Variants in RAB44 observed in about 807,000 individuals in gnomAD.
The protein encoded by RAB44 is ras-related protein Rab-44.
In RAB44, 67 loss-of-function variants were observed where a neutral mutation model predicts 93.3. That is an observed-to-expected ratio of 0.72 (90% confidence interval 0.59 to 0.88). The LOEUF is 0.88. Ranked by LOEUF, RAB44 falls within the 40% of genes least tolerant of loss-of-function variation. The pLI is 0.00. For synonymous variants in RAB44, 427 were observed against 520.3 expected (o/e 0.82, Z 2.44); for missense variants, 1,064 against 1,261.7 (o/e 0.84, Z 2.37).
rs764768896 is a variant in RAB44 at position 36,722,729 on chromosome 6, C to T, written c.2595C>T (p.Thr865=). 26 of 1,550,422 alleles carry T rather than the reference C, an allele frequency of 1.7e-5. No individual in the cohort carries two copies. Among genetic ancestry groups the T allele is most frequent in the East Asian group, 2.4e-5 (1 of 40,932 alleles). Reference sequence around the variant, plus strand: ...CTTTCGCCACCGGATTGACAGCTACCGTGGGTAAGGGCATTGGGGAGGGCG... The same window carrying T: ...CTTTCGCCACCGGATTGACAGCTACTGTGGGTAAGGGCATTGGGGAGGGCG... ...QNSFATGLTA[T]VGVDFRVKTL... Residue 865 remains threonine, a synonymous_variant, in exon 9 of 14, where the codon ACC becomes ACT. Transcript: ENST00000612677.
intron 4 of RAB44, among the ~76,000 whole-genome samples, chr6:36,716,974 AAG>A (rs1003970950): frequency 6.6e-6 from 1 of 152,228 alleles, no homozygotes; most frequent in African/African-American, 2.4e-5. Flanking sequence ...AGAGTGAGAG[AAG>A]AGAGAGGGCA....
chr6:36,703,850 C>T (rs534354496), intron 1 of RAB44, among the ~76,000 whole-genome samples: 68 of 152,170 alleles, frequency 4.5e-4, no homozygotes, highest in African/African-American at 1.5e-3. Flanking sequence ...CCTGGAAAAC[C>T]CTGTGTAACC....
chr6:36,714,015 C>G, intron 3 of RAB44, 76 bp downstream of exon 3: 10 of 952,758 alleles, frequency 1.0e-5, no homozygotes, highest in East Asian at 8.0e-5. Flanking sequence ...TAGGCTGGGT[C>G]GTTAGAAAGG....
chr6:36,728,557 A>G (rs1763289560), intron 11 of RAB44, 143 bp from the exon 12 acceptor site: 1 of 650,144 alleles, frequency 1.5e-6, no homozygotes, highest in East Asian at 2.8e-5. Context: ...GATGGGGGAA[A>G]GGGTCCAGGT....
At chr6:36,715,782 A>G (rs1762905205) in intron 4 of RAB44, 129 bp downstream of exon 4, 2 of 892,856 alleles carry the variant, frequency 2.2e-6, no homozygotes, top group Middle Eastern at 3.5e-4. Flanking sequence ...TGGCTTGGCC[A>G]TTGGCTAGCT....
At chr6:36,711,725 G>C (rs1762791629) in intron 2 of RAB44, among the ~76,000 whole-genome samples, 2 of 152,056 alleles carry the variant, frequency 1.3e-5, no homozygotes, top group Non-Finnish European at 2.9e-5. Flanking sequence ...ATGTACAAAA[G>C]TATTTCACAC....
rs932891272 is a variant in RAB44, at chr6:36,717,331, G to A, written c.553G>A (p.Gly185Ser). 8.1e-7 allele frequency: 1 copy of A among 1,232,190 alleles called. No individual in the cohort carries two copies. The highest frequency in any genetic ancestry group is 1.0e-6 in the Non-Finnish European group (1 of 987,990). The allele number at this position is 1,232,190 out of a possible 1,614,324, so 76.3% of individuals were successfully genotyped here. A position where few individuals can be genotyped will look rare whatever the true frequency, so the allele number is the denominator to read the frequency against. Residue 185 changes from glycine to serine, a missense_variant, in exon 5 of 14, where the codon GGC (glycine) becomes AGC (serine). Physicochemically the swap from Gly to Ser is moderately conservative, Grantham distance 56. Transcript: ENST00000612677. The surrounding 1 kb of genome is among the most constrained non-coding windows in gnomAD (Gnocchi z 4.1). ...GCGGCAGGAGGAGCCCCAGCTGGCAGGCAACCTGGCAGGCTTTCTGGCCAA... is the reference window on the plus strand; with the variant it reads ...GCGGCAGGAGGAGCCCCAGCTGGCAAGCAACCTGGCAGGCTTTCTGGCCAA... Reference protein sequence around the residue: ...QLRQEEPQLAGNLAGFLAKMT... With the variant: ...QLRQEEPQLASNLAGFLAKMT...
rs1757338942 is a variant in RAB44 at position 36,717,628 on chromosome 6, G to A, written c.641+209G>A. Among the ~76,000 whole-genome samples, 1 of 151,866 alleles carries A rather than the reference G, an allele frequency of 6.6e-6. No homozygotes were observed. Among genetic ancestry groups the A allele is most frequent in the Non-Finnish European group, 1.5e-5 (1 of 67,978 alleles). Reference sequence around the variant, plus strand: ...GAGTGGGAAGGGCAGGGTGTGTCTTGGTACAGGACCCACTGTGACGCCCAA... The same window carrying A: ...GAGTGGGAAGGGCAGGGTGTGTCTTAGTACAGGACCCACTGTGACGCCCAA... On this transcript the variant is annotated intron_variant, in intron 5 of 13. Transcript: ENST00000612677. The surrounding 1 kb of genome is among the most constrained non-coding windows in gnomAD (Gnocchi z 4.1).
intron 2 of RAB44, 29 bp from the exon 3 acceptor site, chr6:36,713,799 C>A: frequency 7.0e-7 from 1 of 1,424,454 alleles, no homozygotes; most frequent in Non-Finnish European, 9.6e-7. Context: ...CCGGTGGGAA[C>A]ACCTGCCCAA....
intron 7 of RAB44, among the ~76,000 whole-genome samples, 169 bp from the exon 8 acceptor site, chr6:36,720,194 G>C (rs1354355686): frequency 6.6e-6 from 1 of 152,156 alleles, no homozygotes; most frequent in Admixed American, 6.5e-5. Flanking sequence ...GGAGCTAATG[G>C]AGCTAGTTAG....
intron 2 of RAB44, among the ~76,000 whole-genome samples, chr6:36,706,655 A>C (rs952749233): frequency 1.4e-4 from 22 of 152,242 alleles, no homozygotes; most frequent in African/African-American, 4.6e-4. Flanking sequence ...TCTTGATAAA[A>C]AAGGAGGACA....
At chr6:36,702,579 G>A (rs889001600) in intron 1 of RAB44, among the ~76,000 whole-genome samples, 7 of 152,188 alleles carry the variant, frequency 4.6e-5, no homozygotes, top group African/African-American at 1.7e-4. Context: ...TCCTGGGCAT[G>A]AGCCTTACTA....
Position 36,732,500 on chromosome 6 carries a change from G to GA in RAB44, c.*413dup, listed in dbSNP as rs1450512557. 9 of 152,816 alleles carry GA rather than the reference G, an allele frequency of 5.9e-5. No homozygotes were observed. Among genetic ancestry groups the GA allele is most frequent in the African/African-American group, 1.7e-4 (7 of 41,366 alleles). 9.5% of individuals were successfully genotyped at this position (152,816 alleles called of 1,614,324 possible). A position where few individuals can be genotyped will look rare whatever the true frequency, so the allele number is the denominator to read the frequency against. On this transcript the variant is annotated 3_prime_UTR_variant, in exon 14 of 14. Coordinates refer to ENST00000612677, the MANE Select transcript of RAB44 (RefSeq NM_001257357.2). ...AATAACAGTATTCAATACATAATCA[G>GA]AAAAAAGAGATGTGGAGGAGGAGGA... is the stretch of plus-strand genomic sequence containing the variant.
Position 36,720,455 on chromosome 6 carries a change from G to T in RAB44, c.921G>T (p.Gly307=). The T allele has an allele frequency of 8.1e-7, 1 of 1,232,994 alleles. No homozygotes were observed. Among genetic ancestry groups the T allele is most frequent in the Non-Finnish European group, 1.0e-6 (1 of 988,378 alleles). The allele number at this position is 1,232,994 out of a possible 1,614,324, so 76.4% of individuals were successfully genotyped here. The change falls in exon 8 of 14, where the codon GGG becomes GGT. Residue 307 remains glycine (G), a synonymous_variant. Transcript: ENST00000612677. ...AGGAGGCCAAGCGTGACCTGGCTGG[G>T]CGGCTGGAGGAGGTGCGGGGGCAGC... ...QLQEAKRDLA[G]RLEEVRGQLQ... is the part of the protein sequence containing the mutation.
chr6:36,731,921 A>AC lies in RAB44; in HGVS notation c.2976-76dup. 1.1e-6 allele frequency: 1 copy of AC among 925,656 alleles called. No individual in the cohort carries two copies. Among genetic ancestry groups the AC allele is most frequent in the Non-Finnish European group, 1.4e-6 (1 of 709,868 alleles). The allele number at this position is 925,656 out of a possible 1,614,324, so 57.3% of individuals were successfully genotyped here. ...GTGGGGGTTGTGGGTGCGGCCTCCC[A>AC]CCCCCCAGCTGCACCCATGGGCCCA... is the stretch of plus-strand genomic sequence containing the variant. On this transcript the variant is annotated intron_variant, in intron 13 of 13. Transcript: ENST00000612677. The surrounding 1 kb of genome is among the most constrained non-coding windows in gnomAD (Gnocchi z 4.0).
chr6:36,714,024 G>T, intron 3 of RAB44, 85 bp downstream of exon 3: 1 of 861,344 alleles, frequency 1.2e-6, no homozygotes, highest in South Asian at 1.5e-5. Flanking sequence ...TCGTTAGAAA[G>T]GCAACCCTTT....
At chr6:36,701,487 G>T (rs770336198) in intron 1 of RAB44, among the ~76,000 whole-genome samples, 1 of 152,154 alleles carries the variant, frequency 6.6e-6, no homozygotes, top group African/African-American at 2.4e-5. Flanking sequence ...GAGGAAGTGG[G>T]TTGAGAGCCC....
At position 36,732,035 on chromosome 6, in the gene RAB44, ACTCGCTGGTGAAGGTGG is replaced by A. The variant is rs1167598392; in HGVS notation, c.3010_3026del (p.Ser1004ProfsTer80). On this transcript the variant is annotated frameshift_variant, in exon 14 of 14. Transcript: ENST00000612677. LOFTEE classifies it high-confidence loss of function. ...AGGATGCAAGAAGAAGGCCTGAAGG[ACTCGCTGGTGAAGGTGG>A]CCCCCAAGAGGCCGCCCAAGAGATT... 2 of 1,234,198 alleles carry A rather than the reference ACTCGCTGGTGAAGGTGG, an allele frequency of 1.6e-6. No homozygotes were observed. Among genetic ancestry groups the A allele is most frequent in the African/African-American group, 3.1e-5 (2 of 64,412 alleles). The allele number at this position is 1,234,198 out of a possible 1,614,324, so 76.5% of individuals were successfully genotyped here. A position where few individuals can be genotyped will look rare whatever the true frequency, so the allele number is the denominator to read the frequency against.
rs1402286191 is a variant in RAB44 at position 36,732,431 on chromosome 6, G to C, written c.*338G>C. The C allele has an allele frequency of 5.4e-6, 1 of 185,898 alleles. No individual in the cohort carries two copies. The highest frequency in any genetic ancestry group is 1.3e-4 in the East Asian group (1 of 7,702). 11.5% of individuals were successfully genotyped at this position (185,898 alleles called of 1,614,324 possible). A position where few individuals can be genotyped will look rare whatever the true frequency, so the allele number is the denominator to read the frequency against. On this transcript the variant is annotated 3_prime_UTR_variant, in exon 14 of 14. Transcript: ENST00000612677. ...TTTAGGGAGAATGTGGGGGGGGGGT[G>C]TTACTTTCCATTTTACACATATTTG...
Sources: allele counts gnomAD v4.1 joint callset (sites outside exome capture counted in the v4.1 genomes callset), GRCh38; gene constraint gnomAD v4.1.1; non-coding constraint Gnocchi (gnomAD v3.1); transcripts MANE v1.5; gene names NCBI Gene and HGNC (gene_info 2026-07-23, HGNC 2026-07-21).